MACROD2: variants seen among roughly 807,000 people sequenced by gnomAD.
MACROD2 encodes mono-ADP ribosylhydrolase 2, also known as ADP-ribose glycohydrolase MACROD2.
A neutral mutation model predicts 70.4 loss-of-function variants in MACROD2; 36 were observed. The observed-to-expected ratio is 0.51, with a 90% CI of 0.39 to 0.68. The LOEUF (loss-of-function observed/expected upper bound fraction) is 0.68, where lower values mean the gene tolerates loss of function less well. Ranked by LOEUF, MACROD2 falls within the 30% of genes least tolerant of loss-of-function variation. The probability of loss-of-function intolerance (pLI) is 0.00; values close to 1 mark genes in which losing one functional copy is unlikely to be tolerated. For synonymous variants in MACROD2, 172 were observed against 178.8 expected (o/e 0.96, Z 0.30); for missense variants, 496 against 538.4 (o/e 0.92, Z 0.78).
chr20:14,660,903 T>G (rs1342924944), intron 4 of MACROD2, among the ~76,000 whole-genome samples: 1 of 152,020 alleles, frequency 6.6e-6, no homozygotes, highest in Admixed American at 6.6e-5. Context: ...TTAATGGCTG[T>G]GTAGTATTCC....
intron 3 of MACROD2, among the ~76,000 whole-genome samples, chr20:14,492,691 A>G (rs1236166985): frequency 1.3e-5 from 2 of 152,116 alleles, no homozygotes; most frequent in African/African-American, 4.8e-5. Flanking sequence ...AGTGGCAAGA[A>G]ATAATTCCTG....
At chr20:15,810,906 C>T (rs1203340556) in intron 8 of MACROD2, among the ~76,000 whole-genome samples, 2 of 150,606 alleles carry the variant, frequency 1.3e-5, no homozygotes, top group East Asian at 1.9e-4. Context: ...GAAACTGGAT[C>T]CCTTCCTTAC....
chr20:16,015,147 A>G (rs1312976361), intron 15 of MACROD2, among the ~76,000 whole-genome samples: 3 of 152,190 alleles, frequency 2.0e-5, no homozygotes, highest in Admixed American at 1.3e-4. Context: ...AAACCTGGTC[A>G]TTTGTTTTTA....
At chr20:15,722,303 C>T (rs939256132) in intron 8 of MACROD2, among the ~76,000 whole-genome samples, 7 of 152,106 alleles carry the variant, frequency 4.6e-5, no homozygotes, top group East Asian at 3.8e-4. Context: ...TGCTAGACAA[C>T]GCCCAGCTGT....
intron 8 of MACROD2, among the ~76,000 whole-genome samples, chr20:15,652,218 C>T (rs928495722): frequency 6.6e-6 from 1 of 151,980 alleles, no homozygotes; most frequent in Non-Finnish European, 1.5e-5. Flanking sequence ...TTCAGTAGGC[C>T]CTTTATAGTC....
intron 8 of MACROD2, among the ~76,000 whole-genome samples, chr20:15,676,371 C>T (rs1194604586): frequency 1.3e-5 from 2 of 152,148 alleles, no homozygotes; most frequent in Admixed American, 6.5e-5. Flanking sequence ...ATTATAAACC[C>T]ACTGTGTTTC....
chr20:14,027,095 A>C (rs956566670), intron 2 of MACROD2, among the ~76,000 whole-genome samples: 1 of 152,226 alleles, frequency 6.6e-6, no homozygotes, highest in Non-Finnish European at 1.5e-5. Context: ...CAGGTACACC[A>C]ATCAAACGTA....
At chr20:14,439,282 T>A (rs1048435616) in intron 3 of MACROD2, among the ~76,000 whole-genome samples, 2 of 152,172 alleles carry the variant, frequency 1.3e-5, no homozygotes, top group Admixed American at 1.3e-4. Context: ...AGTACCATAC[T>A]GTTTTGATTA....
intron 6 of MACROD2, among the ~76,000 whole-genome samples, chr20:15,329,577 C>G (rs2077969702): frequency 6.6e-6 from 1 of 151,606 alleles, no homozygotes; most frequent in Non-Finnish European, 1.5e-5. Flanking sequence ...ATTCTTCACA[C>G]AGAAAAAATA....
chr20:15,232,602 A>G (rs2076968589), intron 6 of MACROD2, among the ~76,000 whole-genome samples: 2 of 152,054 alleles, frequency 1.3e-5, no homozygotes, highest in Admixed American at 1.3e-4. Flanking sequence ...ATTCTCTGAA[A>G]AGTATTTGAC....
chr20:14,023,617 A>G (rs1381849812), intron 2 of MACROD2, among the ~76,000 whole-genome samples: 1 of 152,184 alleles, frequency 6.6e-6, no homozygotes, highest in Admixed American at 6.6e-5. Context: ...TTTTCTGCAT[A>G]TGGCTTGCCA....
At chr20:15,363,390 G>A (rs1246314871) in intron 6 of MACROD2, among the ~76,000 whole-genome samples, 1 of 152,184 alleles carries the variant, frequency 6.6e-6, no homozygotes, top group Non-Finnish European at 1.5e-5. Context: ...CCTATGCATG[G>A]TGGAAAACAG....
At chr20:14,048,032 A>C (rs2053503890) in intron 2 of MACROD2, among the ~76,000 whole-genome samples, 1 of 151,690 alleles carries the variant, frequency 6.6e-6, no homozygotes. Flanking sequence ...GCTGCACTGG[A>C]TACTAAGGAA....
Position 14,875,349 on chromosome 20 carries a change from C to T in MACROD2, c.418+190390C>T, listed in dbSNP as rs750709763. Among the ~76,000 whole-genome samples the T allele has an allele frequency of 5.3e-4, 80 of 151,962 alleles. 1 individual carries two copies. Among genetic ancestry groups the T allele is most frequent in the Middle Eastern group, 3.2e-3 (1 of 316 alleles). On this transcript the variant is annotated intron_variant, in intron 5 of 17. Transcript: ENST00000684519. The stretch of plus-strand genomic sequence containing the variant: ...TGAGCCCAGACTGTGCCATTGCACT[C>T]CAGCCTTCTAGTCTGGGGGACAGAG...
intron 6 of MACROD2, among the ~76,000 whole-genome samples, chr20:15,323,335 T>A (rs1291453720): frequency 1.3e-5 from 2 of 152,142 alleles, no homozygotes; most frequent in Non-Finnish European, 2.9e-5. Context: ...TAAAAACATA[T>A]GATATTCAAC....
At chr20:15,305,769 C>CA (rs1465517426) in intron 6 of MACROD2, among the ~76,000 whole-genome samples, 1 of 151,852 alleles carries the variant, frequency 6.6e-6, no homozygotes, top group Non-Finnish European at 1.5e-5. Context: ...ACCAAATAAA[C>CA]AACTATAGAC....
At chr20:14,771,312 T>C (rs77685281) in intron 5 of MACROD2, among the ~76,000 whole-genome samples, 6,649 of 152,080 alleles carry the variant, frequency 0.044, 283 homozygotes, top group East Asian at 0.17. Flanking sequence ...CCAATTTCTA[T>C]TGGCTTTGCT....
chr20:14,444,505 C>T (rs541062594), intron 3 of MACROD2, among the ~76,000 whole-genome samples: 42 of 152,050 alleles, frequency 2.8e-4, no homozygotes, highest in African/African-American at 9.7e-4. Flanking sequence ...TGAAATAACC[C>T]GTGGAACACT....
intron 5 of MACROD2, among the ~76,000 whole-genome samples, chr20:15,156,764 T>G (rs908025060): frequency 2.0e-5 from 3 of 152,194 alleles, no homozygotes; most frequent in African/African-American, 7.2e-5. Flanking sequence ...CTGATCTGCT[T>G]CTTTTCCTTC....
Sources: gnomAD v4.1 joint callset for allele counts (sites outside exome capture counted in the v4.1 genomes callset) on GRCh38, gnomAD v4.1.1 for gene constraint, MANE v1.5 for transcripts, NCBI Gene and HGNC (gene_info 2026-07-23, HGNC 2026-07-21) for gene names.